Variants in ATXN8OS observed in about 807,000 individuals in gnomAD.
ATXN8OS encodes ATXN8 opposite strand (non-protein coding).
chr13:70,142,275 G>T (rs2137493295), intron 3 of ATXN8OS, among the ~76,000 whole-genome samples: 1 of 152,306 alleles, frequency 6.6e-6, no homozygotes, highest in East Asian at 1.9e-4. Flanking sequence ...TGATAAACAA[G>T]TTTATTTATA....
At chr13:70,114,242 C>T (rs2137469928) in intron 1 of ATXN8OS, among the ~76,000 whole-genome samples, 1 of 152,242 alleles carries the variant, frequency 6.6e-6, no homozygotes, top group Admixed American at 6.5e-5. Context: ...CCATGGGAAG[C>T]TAACAAGTTG....
At chr13:70,152,491 G>A (rs1888883142) in intron 4 of ATXN8OS, among the ~76,000 whole-genome samples, 1 of 151,788 alleles carries the variant, frequency 6.6e-6, no homozygotes, top group African/African-American at 2.4e-5. Flanking sequence ...ATACACACAC[G>A]TGTATATGTG....
rs115875467 is a variant in ATXN8OS at position 70,161,262 on chromosome 13, G to A, written n.574-8491G>A. On this transcript the variant is annotated intron_variant and non_coding_transcript_variant, in intron 4 of 4. Transcript: ENST00000678624. ...AGTTAGAAAACAAATATACTAAAGA[G>A]TAAACCACCAAGTATTCTACTATTT... Among the ~76,000 whole-genome samples, 285 of 152,000 alleles carry A rather than the reference G, an allele frequency of 1.9e-3. 2 individuals carry two copies. The highest frequency in any genetic ancestry group is 6.6e-3 in the African/African-American group (272 of 41,504).
chr13:70,139,536 A>G (rs1478580170), intron 3 of ATXN8OS: 4 of 496,976 alleles, frequency 8.0e-6, no homozygotes, highest in Non-Finnish European at 1.4e-5. Context: ...ATTTATGAAT[A>G]AAGAATTGAT....
At position 70,159,182 on chromosome 13, in the gene ATXN8OS, T is replaced by TCG. The variant is rs1212529467; in HGVS notation, n.574-10570_574-10569insGC. ...CTCCTTCCCTCCACCACTTCCATTC[T>TCG]CTCTCTCTCTCTCTCTCACTTTTTA... On this transcript the variant is annotated intron_variant and non_coding_transcript_variant, in intron 4 of 4. Coordinates refer to ENST00000678624, the Ensembl canonical transcript of ATXN8OS. 1.2e-4 allele frequency among the ~76,000 whole-genome samples: 3 copies of TCG among 24,834 alleles called. No individual in the cohort carries two copies. In the East Asian group the frequency reaches 2.3e-3, roughly 19 times the overall value. 16.3% of individuals were successfully genotyped at this position (24,834 alleles called of 152,430 possible).
rs1214057183 is a variant in ATXN8OS, at chr13:70,139,371, ACTACTACTACTACTGCTG to A, written n.500-7981_500-7964del. ...TGGCTTTACTACTACTACTACTACT[ACTACTACTACTACTGCTG>A]CTGCTGCTGCTGCTGCTGCTGCTGC... On this transcript the variant is annotated intron_variant and non_coding_transcript_variant, in intron 3 of 4. Coordinates refer to ENST00000678624, the Ensembl canonical transcript of ATXN8OS. 197 of 643,230 alleles carry A rather than the reference ACTACTACTACTACTGCTG, an allele frequency of 3.1e-4. No homozygotes were observed. The African/African-American group carries it at 4.2e-3, about 14-fold the overall frequency. The allele number at this position is 643,230 out of a possible 1,614,324, so 39.8% of individuals were successfully genotyped here.
chr13:70,150,675 T>A (rs961185283), intron 4 of ATXN8OS, among the ~76,000 whole-genome samples: 1 of 152,060 alleles, frequency 6.6e-6, no homozygotes, highest in Non-Finnish European at 1.5e-5. Flanking sequence ...TAAGCACATC[T>A]TTCTAAAGTA....
chr13:70,168,757 T>C (rs1384484740), intron 4 of ATXN8OS, among the ~76,000 whole-genome samples: 1 of 152,128 alleles, frequency 6.6e-6, no homozygotes, highest in Non-Finnish European at 1.5e-5. Flanking sequence ...CCATTGTATA[T>C]ATATTTTCTT....
chr13:70,129,932 C>T (rs980510406), intron 3 of ATXN8OS: 1 of 398,052 alleles, frequency 2.5e-6, no homozygotes, highest in Admixed American at 4.4e-5. Flanking sequence ...AGGTGTGTGC[C>T]ATTAGTGCCT....
At chr13:70,126,252 A>C (rs898349547) in intron 2 of ATXN8OS, among the ~76,000 whole-genome samples, 3 of 152,208 alleles carry the variant, frequency 2.0e-5, no homozygotes, top group African/African-American at 7.2e-5. Flanking sequence ...AGTAATAGAT[A>C]TGTATACATA....
chr13:70,115,592 G>C (rs1033589541), intron 2 of ATXN8OS, among the ~76,000 whole-genome samples: 1 of 152,112 alleles, frequency 6.6e-6, no homozygotes, highest in Non-Finnish European at 1.5e-5. Context: ...ACTAGACTAG[G>C]ATGGTTCTGC....
At chr13:70,131,236 AC>A in intron 3 of ATXN8OS, 1 of 351,240 alleles carries the variant, frequency 2.8e-6, no homozygotes, top group Non-Finnish European at 4.8e-6. Flanking sequence ...AAATATTTGT[AC>A]AATTAATTTA....
chr13:70,136,682 G>T (rs1238896953), intron 3 of ATXN8OS, among the ~76,000 whole-genome samples: 1 of 151,960 alleles, frequency 6.6e-6, no homozygotes, highest in Non-Finnish European at 1.5e-5. Flanking sequence ...AGAAAGTTTT[G>T]CTTTTCTCAA....
chr13:70,143,650 C>T (rs1237815967), intron 3 of ATXN8OS, among the ~76,000 whole-genome samples: 1 of 152,088 alleles, frequency 6.6e-6, no homozygotes, highest in African/African-American at 2.4e-5. Context: ...GTGGGTACCT[C>T]ACCTCTGTTT....
chr13:70,108,793 G>T (rs947033574), intron 1 of ATXN8OS, among the ~76,000 whole-genome samples: 1 of 152,194 alleles, frequency 6.6e-6, no homozygotes, highest in African/African-American at 2.4e-5. Flanking sequence ...AATGAACCGC[G>T]TCTTTTAACC....
intron 4 of ATXN8OS, among the ~76,000 whole-genome samples, chr13:70,167,594 T>C (rs1037467552): frequency 1.3e-5 from 2 of 151,552 alleles, no homozygotes; most frequent in Admixed American, 6.6e-5. Flanking sequence ...ACACCAACAA[T>C]GCACATGCAT....
At chr13:70,139,377 A>ACTACTACTACTACTACTACTACTACTG (rs1888666285) in intron 3 of ATXN8OS, 12 of 646,102 alleles carry the variant, frequency 1.9e-5, no homozygotes, top group African/African-American at 6.7e-5. Context: ...TACTACTACT[A>ACTACTACTACTACTACTACTACTACTG]CTACTACTGC....
chr13:70,149,171 T>C (rs2137497824), intron 4 of ATXN8OS, among the ~76,000 whole-genome samples: 1 of 152,206 alleles, frequency 6.6e-6, no homozygotes, highest in South Asian at 2.1e-4. Context: ...TAACTGGAAT[T>C]TCCCTTTCTA....
intron 4 of ATXN8OS, among the ~76,000 whole-genome samples, chr13:70,156,510 A>T (rs962616256): frequency 6.6e-6 from 1 of 152,174 alleles, no homozygotes; most frequent in Non-Finnish European, 1.5e-5. Flanking sequence ...ATATAAAGAA[A>T]ATAAGCTCCT....
Sources: allele counts gnomAD v4.1 joint callset (sites outside exome capture counted in the v4.1 genomes callset), GRCh38; gene constraint gnomAD v4.1.1; transcripts MANE v1.5; gene names NCBI Gene and HGNC (gene_info 2026-07-23, HGNC 2026-07-21).